The following ACTR3C variants were observed in gnomAD, a reference collection of about 807,000 sequenced individuals.
The protein encoded by ACTR3C is actin-related protein 3C.
ACTR3C carries 18 observed loss-of-function variants against 26.3 expected under a neutral mutation model. That is an observed-to-expected ratio of 0.68 (90% CI 0.47 to 1.01). The LOEUF (loss-of-function observed/expected upper bound fraction) is 1.01. Ranked by LOEUF, ACTR3C falls within the 50% of genes least tolerant of loss-of-function variation. ACTR3C has a pLI of 0.00. For synonymous variants in ACTR3C, 55 were observed against 94.5 expected (o/e 0.58, Z 2.42); for missense variants, 184 against 250.7 (o/e 0.73, Z 1.80).
chr7:150,297,255 A>T (rs1277099635), intron 1 of ACTR3C, among the ~76,000 whole-genome samples: 1 of 150,644 alleles, frequency 6.6e-6, no homozygotes, highest in Non-Finnish European at 1.5e-5. Context: ...AATATTTGAG[A>T]TGATGGATAT....
At chr7:150,199,016 G>A in the ACTR3C span, among the ~76,000 whole-genome samples, 251 of 145,008 alleles carry the variant, frequency 1.7e-3, 7 homozygotes, top group African/African-American at 5.7e-3. Context: ...CAGCCGCCCC[G>A]TCCGGGAGGT....
chr7:149,958,268 C>T, the ACTR3C span, among the ~76,000 whole-genome samples: 35 of 152,142 alleles, frequency 2.3e-4, no homozygotes, highest in African/African-American at 8.0e-4. Flanking sequence ...GTACCAGTTT[C>T]ATGATGGGTC....
the ACTR3C span, among the ~76,000 whole-genome samples, chr7:150,067,090 C>G: frequency 6.6e-6 from 1 of 152,222 alleles, no homozygotes; most frequent in Non-Finnish European, 1.5e-5. Context: ...ACTCTAGACA[C>G]AAGGTCACCT....
At chr7:150,197,086 TCATGGA>T in the ACTR3C span, among the ~76,000 whole-genome samples, 1 of 152,170 alleles carries the variant, frequency 6.6e-6, no homozygotes, top group Non-Finnish European at 1.5e-5. Flanking sequence ...TTTTATTCCT[TCATGGA>T]CACGGGGCAG....
At chr7:150,102,589 C>T in the ACTR3C span, among the ~76,000 whole-genome samples, 2 of 152,012 alleles carry the variant, frequency 1.3e-5, no homozygotes, top group African/African-American at 4.8e-5. Flanking sequence ...TGCTGATGTT[C>T]CTTCCAATTC....
chr7:150,008,977 G>A, the ACTR3C span, among the ~76,000 whole-genome samples: 2 of 152,232 alleles, frequency 1.3e-5, no homozygotes, highest in African/African-American at 4.8e-5. Flanking sequence ...AGAAGAGAGG[G>A]CACCGAACAT....
the ACTR3C span, among the ~76,000 whole-genome samples, chr7:150,098,558 G>A: frequency 6.6e-6 from 1 of 151,766 alleles, no homozygotes; most frequent in Non-Finnish European, 1.5e-5. Context: ...TAAACTGCAT[G>A]CTTTTGTCAG....
the ACTR3C span, among the ~76,000 whole-genome samples, chr7:150,172,498 T>G: frequency 2.0e-5 from 3 of 150,510 alleles, no homozygotes; most frequent in Non-Finnish European, 2.9e-5. Context: ...CTACAACATA[T>G]GGAAATTCTG....
the ACTR3C span, among the ~76,000 whole-genome samples, chr7:150,148,575 A>G: frequency 6.6e-6 from 1 of 152,220 alleles, no homozygotes; most frequent in East Asian, 1.9e-4. Flanking sequence ...CTCAGTGTTT[A>G]TTATGCCCAC....
the ACTR3C span, among the ~76,000 whole-genome samples, chr7:150,226,967 T>C: frequency 6.6e-6 from 1 of 150,998 alleles, no homozygotes; most frequent in Non-Finnish European, 1.5e-5. Context: ...TTTTCTGGTC[T>C]GTGGCTTATC....
the ACTR3C span, among the ~76,000 whole-genome samples, chr7:149,929,563 C>T: frequency 8.9e-4 from 123 of 138,040 alleles, no homozygotes; most frequent in African/African-American, 2.7e-3. Context: ...GACGGAGTCT[C>T]GCTCTGTCAC....
chr7:150,179,032 CT>C, the ACTR3C span, among the ~76,000 whole-genome samples: 135 of 149,584 alleles, frequency 9.0e-4, 2 homozygotes, highest in Non-Finnish European at 1.1e-3. Flanking sequence ...CTTCTGGGGA[CT>C]TTTCTGACAC....
the ACTR3C span, among the ~76,000 whole-genome samples, chr7:150,035,929 T>G: frequency 2.5e-5 from 3 of 121,874 alleles, 1 homozygote; most frequent in African/African-American, 9.3e-5. Context: ...TGCCTCGCCC[T>G]CCTGCGATGG....
the ACTR3C span, among the ~76,000 whole-genome samples, chr7:150,080,475 T>G: frequency 0.16 from 24,912 of 151,004 alleles, 2,166 homozygotes; most frequent in South Asian, 0.25. Context: ...AACCCAAAAC[T>G]ACATCTTGAC....
chr7:149,904,213 C>A, the ACTR3C span, among the ~76,000 whole-genome samples: 2 of 148,068 alleles, frequency 1.4e-5, no homozygotes, highest in Non-Finnish European at 3.0e-5. Context: ...TGAACCACTG[C>A]GCCTGGCCTG....
the ACTR3C span, chr7:149,892,413 C>A: frequency 3.8e-6 from 6 of 1,588,250 alleles, no homozygotes; most frequent in Non-Finnish European, 5.2e-6. Flanking sequence ...AAAAAACACA[C>A]ACACACACAG....
At chr7:149,946,071 A>G in the ACTR3C span, among the ~76,000 whole-genome samples, 1 of 152,230 alleles carries the variant, frequency 6.6e-6, no homozygotes, top group Non-Finnish European at 1.5e-5. Flanking sequence ...GATTCTCCCA[A>G]CTTGAATCAC....
chr7:150,010,933 AGTC>A, the ACTR3C span, among the ~76,000 whole-genome samples: 1 of 147,244 alleles, frequency 6.8e-6, no homozygotes, highest in East Asian at 2.0e-4. Context: ...TTATGGGTAA[AGTC>A]AGTCCTGTGT....
chr7:150,226,794 T>C, the ACTR3C span, among the ~76,000 whole-genome samples: 1 of 152,190 alleles, frequency 6.6e-6, no homozygotes, highest in Non-Finnish European at 1.5e-5. Context: ...GCAAATCTTC[T>C]TATGTTTATT....
Sources: allele counts gnomAD v4.1 joint callset (sites outside exome capture counted in the v4.1 genomes callset), GRCh38; gene constraint gnomAD v4.1.1; transcripts MANE v1.5; gene names NCBI Gene and HGNC (gene_info 2026-07-23, HGNC 2026-07-21).